The following L1CAM variants were observed in gnomAD, a reference collection of about 807,000 sequenced individuals.
L1CAM encodes the protein neural cell adhesion molecule L1.
L1CAM carries 8 observed loss-of-function variants against 93.0 expected under a neutral mutation model. The observed-to-expected ratio is 0.09, with a 90% confidence interval of 0.05 to 0.16. The LOEUF (loss-of-function observed/expected upper bound fraction) is 0.16. Ranked by LOEUF, L1CAM falls within the 10% of genes least tolerant of loss-of-function variation. The probability of loss-of-function intolerance (pLI) is 1.00; values close to 1 mark genes in which losing one functional copy is unlikely to be tolerated. For synonymous variants in L1CAM, 453 were observed against 453.0 expected, an observed-to-expected ratio of 1.00 and a Z score of 0.00; for missense variants, 777 against 1,073.4, an observed-to-expected ratio of 0.72 and a Z score of 3.86.
At chrX:153,870,598 CTG>C in intron 7 of L1CAM, 99 bp from the exon 8 acceptor site, 1 of 806,877 alleles carries the variant, frequency 1.2e-6, no homozygotes, top group Middle Eastern at 2.9e-4. Flanking sequence ...CCCGGGGCCT[CTG>C]TGTCTTCCTC....
At chrX:153,885,704 T>C in intron 1 of L1CAM, 1 of 383,291 alleles carries the variant, frequency 2.6e-6, no homozygotes, top group Non-Finnish European at 3.8e-6. Context: ...CCGATCTGGC[T>C]TCCTTTCTCA....
At position 153,862,749 on chromosome X, in the gene L1CAM, T is replaced by C. The variant is rs1557089307; in HGVS notation, c.3688A>G (p.Ser1230Gly). The change falls in exon 29 of 29, where the codon AGT becomes GGT. Residue 1230 changes from serine to glycine, a missense_variant. Physicochemically the swap from Ser to Gly is moderately conservative, Grantham distance 56. Around this residue, in one of 5 missense-constraint regions of L1CAM, gnomAD observed 110 missense variants for 141.7 expected, o/e 0.78. Transcript: ENST00000370060. ...GCCGCCTCCTTCTCCTTCTTGCCAC[T>C]GTACTGGCCAATGAACGAACCATCC... ...NEDGSFIGQYSGKKEKEAAGG... is the reference protein window; with the variant it reads ...NEDGSFIGQYGGKKEKEAAGG... The C allele has an allele frequency of 3.3e-6, 4 of 1,212,260 alleles. No individual in the cohort carries two copies. Among genetic ancestry groups the C allele is most frequent in the South Asian group, 1.8e-5 (1 of 57,054 alleles).
Position 153,871,124 on chromosome X carries a change from C to T in L1CAM, c.456G>A (p.Glu152=). The change falls in exon 6 of 29, where the codon GAG becomes GAA. Residue 152 remains glutamate, a synonymous_variant. Coordinates refer to ENST00000370060, the MANE Select transcript of L1CAM (RefSeq NM_001278116.2). ...TVKPVEVEEG[E]SVVLPCNPPP... is the part of the protein sequence containing the mutation. ...GAGGGTTGCAAGGCAGAACCACTGA[C>T]TCCCCTTCCTCCACCTCCACGGGCT... The T allele has an allele frequency of 1.7e-6, 2 of 1,209,576 alleles. No homozygotes were observed. The highest frequency in any genetic ancestry group is 2.2e-6 in the Non-Finnish European group (2 of 894,333).
At chrX:153,871,240 G>C (rs1270587889) in intron 5 of L1CAM, 61 bp from the exon 6 acceptor site, 1 of 1,067,189 alleles carries the variant, frequency 9.4e-7, no homozygotes, top group African/African-American at 1.8e-5. Flanking sequence ...GGCAGGAGAA[G>C]GGAGGTGGGG....
At position 153,865,326 on chromosome X, in the gene L1CAM, C is replaced by T. The variant is rs199822230; in HGVS notation, c.2722G>A (p.Glu908Lys). 6.6e-6 allele frequency: 8 copies of T among 1,209,015 alleles called. No individual in the cohort carries two copies. Among genetic ancestry groups the T allele is most frequent in the Admixed American group, 4.4e-5 (2 of 45,863 alleles). ...FNGRGSGPAS[E>K]FTFSTPEGVP... is the part of the protein sequence containing the mutation. ...CCCTCTGGGGTGCTGAAGGTGAACTCGCTGGCGGGCCCCGATCCTCGCCCG... is the reference window on the plus strand; with the variant it reads ...CCCTCTGGGGTGCTGAAGGTGAACTTGCTGGCGGGCCCCGATCCTCGCCCG... The change falls in exon 21 of 29, where the codon GAG becomes AAG. Residue 908 changes from glutamate to lysine, a missense_variant. Physicochemically the swap from Glu to Lys is moderately conservative, Grantham distance 56. Around this residue, in one of 5 missense-constraint regions of L1CAM, gnomAD observed 574 missense variants for 781.0 expected, o/e 0.73. Transcript: ENST00000370060.
rs782142637 is a variant in L1CAM, at chrX:153,865,200, G to A, written c.2760C>T (p.His920=). 8.3e-7 allele frequency: 1 copy of A among 1,209,668 alleles called. No individual in the cohort carries two copies. The stretch of plus-strand genomic sequence containing the variant: ...GGCACTCCAGGTGCAACGCCTCGGG[G>A]TGGCCAGGCACTGCAGGGCACAGAA... The part of the protein sequence containing the change: ...TFSTPEGVPG[H]PEALHLECQS... The change falls in exon 22 of 29, where the codon CAC becomes CAT. Residue 920 remains histidine (H), a synonymous_variant. Coordinates refer to ENST00000370060, the MANE Select transcript of L1CAM (RefSeq NM_001278116.2).
At chrX:153,871,475 G>GGAGGCT (rs1159885718) in intron 5 of L1CAM, among the ~76,000 whole-genome samples, 1 of 110,137 alleles carries the variant, frequency 9.1e-6, no homozygotes, top group Non-Finnish European at 1.9e-5. Flanking sequence ...ACGGGTGGGG[G>GGAGGCT]GAGGCTGAGG....
rs1368666032 is a variant in L1CAM at position 153,865,155 on chromosome X, C to T, written c.2805G>A (p.Leu935=). The part of the protein sequence containing the change: ...HLECQSNTSL[L]LRWQPPLSHN... ...GGCTGAGTGGGGGCTGCCAGCGCAG[C>T]AGCAGGCTGGTGTTCGACTGGCACT... The change falls in exon 22 of 29, where the codon CTG becomes CTA. Residue 935 remains leucine, a synonymous_variant. Coordinates refer to ENST00000370060, the MANE Select transcript of L1CAM (RefSeq NM_001278116.2). 2 of 1,209,002 alleles carry T rather than the reference C, an allele frequency of 1.7e-6. No individual in the cohort carries two copies. The highest frequency in any genetic ancestry group is 1.1e-6 in the Non-Finnish European group (1 of 894,515).
rs782415528 is a variant in L1CAM, at chrX:153,868,891, A to C, written c.1329T>G (p.Thr443=). The C allele has an allele frequency of 5.4e-5, 65 of 1,210,422 alleles. No homozygotes were observed. In the East Asian group the frequency reaches 1.9e-3, roughly 36 times the overall value. ...NQTYMAVQGS[T]AYLLCKAFGA... ...CGAAGGCCTTGCACAGAAGGTAGGC[A>C]GTGCTGCCCTGGACAGCCATGTACG... Residue 443 remains threonine (T), a synonymous_variant, in exon 12 of 29, where the codon ACT becomes ACG. Coordinates refer to ENST00000370060, the MANE Select transcript of L1CAM (RefSeq NM_001278116.2).
chrX:153,864,278 C>T (rs2064690889), intron 25 of L1CAM, 44 bp downstream of exon 25: 2 of 1,192,999 alleles, frequency 1.7e-6, no homozygotes, highest in Non-Finnish European at 2.3e-6. Flanking sequence ...TTGTGCAGCC[C>T]CCATGCTTCC....
chrX:153,879,264 A>G (rs1469644353), intron 1 of L1CAM, among the ~76,000 whole-genome samples: 1 of 111,267 alleles, frequency 9.0e-6, no homozygotes, highest in Admixed American at 9.5e-5. Flanking sequence ...AGACAGCGCT[A>G]ACCACGATGG....
intron 7 of L1CAM, 139 bp from the exon 8 acceptor site, chrX:153,870,638 C>G: frequency 1.3e-6 from 1 of 789,387 alleles, no homozygotes; most frequent in Admixed American, 2.5e-5. Context: ...TGTCTCTGCT[C>G]TCGACGCCTG....
At chrX:153,865,538 G>A in intron 20 of L1CAM, 38 bp from the exon 21 acceptor site, 1 of 1,150,810 alleles carries the variant, frequency 8.7e-7, no homozygotes, top group Non-Finnish European at 1.2e-6. Context: ...GGGGCAGAAG[G>A]CACCCAGCAG....
chrX:153,870,246 C>T lies in L1CAM; in HGVS notation c.807-6G>A, dbSNP rs886039405. The T allele has an allele frequency of 8.3e-7, 1 of 1,209,617 alleles. No homozygotes were observed. Among genetic ancestry groups the T allele is most frequent in the Non-Finnish European group, 1.1e-6 (1 of 893,925 alleles). The stretch of plus-strand genomic sequence containing the variant: ...ATTTGATGGTGGGCGTGGGACTGCC[C>T]GGGAGGCAAAGGGAAGAGAGCAGAA... On this transcript the variant is annotated splice_region_variant and splice_polypyrimidine_tract_variant and intron_variant, in intron 8 of 28. Coordinates refer to ENST00000370060, the MANE Select transcript of L1CAM (RefSeq NM_001278116.2).
Position 153,864,837 on chromosome X carries a change from G to A in L1CAM, c.3030C>T (p.Gly1010=). 8.2e-7 allele frequency: 1 copy of A among 1,212,330 alleles called. No homozygotes were observed. The highest frequency in any genetic ancestry group is 1.1e-6 in the Non-Finnish European group (1 of 895,567). ...GPGEAIVREG[G]TMALSGISDF... ...CCAGCTTACCAGACAAGGCCATAGT[G>A]CCTCCTTCCCGTACGATGGCTTCAC... is the stretch of plus-strand genomic sequence containing the variant. Residue 1010 remains glycine, a synonymous_variant, in exon 23 of 29, where the codon GGC becomes GGT. Transcript: ENST00000370060.
rs782139608 is a variant in L1CAM, at chrX:153,862,701, C to T, written c.3736G>A (p.Ala1246Thr). ...ACGGCAGGGTTGATGGGGGAAGTGG[C>T]CCCTGAGCTGTCATTGCCCCCTGCC... ...EAAGGNDSSG[A>T]TSPINPAVAL... The change falls in exon 29 of 29, where the codon GCC (alanine) becomes ACC (threonine). Residue 1246 changes from alanine (A) to threonine (T), a missense_variant. Ala to Thr is a moderately conservative substitution (Grantham distance 58). Transcript: ENST00000370060. 1 of 1,210,340 alleles carries T rather than the reference C, an allele frequency of 8.3e-7. No homozygotes were observed.
At chrX:153,884,871 T>A (rs190107121) in intron 1 of L1CAM, among the ~76,000 whole-genome samples, 134 of 113,070 alleles carry the variant, frequency 1.2e-3, no homozygotes, top group African/African-American at 4.2e-3. Context: ...TGCACTGATT[T>A]ACGTCAGGGC....
At chrX:153,876,814 C>A (rs915471806) in intron 1 of L1CAM, among the ~76,000 whole-genome samples, 8 of 103,678 alleles carry the variant, frequency 7.7e-5, no homozygotes, top group Non-Finnish European at 1.4e-4. Flanking sequence ...GCCAACATGG[C>A]GGAACCCCGT....
At chrX:153,869,400 C>T (rs2064745877) in intron 11 of L1CAM, 120 bp downstream of exon 11, 3 of 816,946 alleles carry the variant, frequency 3.7e-6, no homozygotes, top group African/African-American at 2.0e-5. Flanking sequence ...GGAGAAAGGT[C>T]GGCGCCAGCC....
Sources: gnomAD v4.1 joint callset for allele counts (sites outside exome capture counted in the v4.1 genomes callset) on GRCh38, gnomAD v4.1.1 for gene constraint, gnomAD v4.1.1 regional missense constraint, MANE v1.5 for transcripts, NCBI Gene and HGNC (gene_info 2026-07-23, HGNC 2026-07-21) for gene names.